Variants in NRG1 observed in about 807,000 individuals in gnomAD.
The protein encoded by NRG1 is pro-neuregulin-1, membrane-bound isoform.
A neutral mutation model predicts 63.8 loss-of-function variants in NRG1; 18 were observed. That is an observed-to-expected ratio of 0.28 (90% confidence interval 0.19 to 0.42). NRG1 has a LOEUF of 0.42. NRG1 is among the 10% of genes least tolerant of loss of function. The pLI, the probability that NRG1 is intolerant of heterozygous loss-of-function variation, is 1.00. For synonymous variants in NRG1, 302 were observed against 301.3 expected, an observed-to-expected ratio of 1.00 and a Z score of -0.02; for missense variants, 762 against 814.7, an observed-to-expected ratio of 0.94 and a Z score of 0.79.
chr8:31,675,122 C>T (rs1332662960), intron 1 of NRG1, among the ~76,000 whole-genome samples: 3 of 152,194 alleles, frequency 2.0e-5, no homozygotes, highest in Admixed American at 6.5e-5. Context: ...GTGGATGGAT[C>T]ACTTGAGGTC....
intron 1 of NRG1, among the ~76,000 whole-genome samples, chr8:32,457,183 C>G (rs1202578675): frequency 6.6e-6 from 1 of 152,018 alleles, no homozygotes; most frequent in African/African-American, 2.4e-5. Context: ...AAGTTTGTCC[C>G]TCTCTTCAAC....
chr8:31,824,108 G>A (rs1824289231), intron 1 of NRG1, among the ~76,000 whole-genome samples: 1 of 151,700 alleles, frequency 6.6e-6, no homozygotes, highest in African/African-American at 2.4e-5. Flanking sequence ...ATGTTGGTGT[G>A]CTGCACCCAT....
At chr8:32,315,650 C>T (rs1408603450) in intron 1 of NRG1, among the ~76,000 whole-genome samples, 1 of 152,154 alleles carries the variant, frequency 6.6e-6, no homozygotes, top group African/African-American at 2.4e-5. Flanking sequence ...GTCTTGTTTA[C>T]CATTGAATCT....
chr8:32,187,192 A>G (rs79823809), intron 1 of NRG1, among the ~76,000 whole-genome samples: 6,370 of 152,280 alleles, frequency 0.042, 202 homozygotes, highest in Middle Eastern at 0.092. Context: ...TGTGAATACC[A>G]TCATGCTCTT....
chr8:31,866,536 T>C (rs1334900914), intron 1 of NRG1, among the ~76,000 whole-genome samples: 3 of 152,198 alleles, frequency 2.0e-5, no homozygotes, highest in African/African-American at 7.2e-5. Context: ...CAGGACTGTT[T>C]AGAAGTCCAA....
chr8:31,755,703 A>G (rs1007053602), intron 1 of NRG1, among the ~76,000 whole-genome samples: 1 of 152,082 alleles, frequency 6.6e-6, no homozygotes, highest in Non-Finnish European at 1.5e-5. Flanking sequence ...TATCTGGGGC[A>G]TGGGGTTCCA....
intron 1 of NRG1, among the ~76,000 whole-genome samples, chr8:32,443,055 C>A (rs759150928): frequency 7.9e-5 from 12 of 152,000 alleles, no homozygotes; most frequent in Non-Finnish European, 1.8e-4. Flanking sequence ...CCATCTTAGC[C>A]TCCCAAGTAG....
At chr8:32,595,994 A>T in exon 2 of NRG1, 2 of 1,613,092 alleles carry the variant, frequency 1.2e-6, no homozygotes, top group African/African-American at 2.7e-5. Context: ...TCAAGATACA[A>T]AAAAAGCCAG....
chr8:32,090,655 C>T (rs768913930), intron 1 of NRG1, among the ~76,000 whole-genome samples: 40 of 152,296 alleles, frequency 2.6e-4, no homozygotes, highest in Non-Finnish European at 4.6e-4. Flanking sequence ...TGAGCTTTAT[C>T]ATCAGAGACA....
At chr8:31,677,509 TGTCAGAGGATCACTTGA>T (rs1807841438) in intron 1 of NRG1, among the ~76,000 whole-genome samples, 1 of 152,244 alleles carries the variant, frequency 6.6e-6, no homozygotes, top group Middle Eastern at 3.4e-3. Context: ...AATCCACCGA[TGTCAGAGGATCACTTGA>T]GTCTGGGAAT....
intron 1 of NRG1, among the ~76,000 whole-genome samples, chr8:32,158,167 G>T (rs981953504): frequency 6.6e-6 from 1 of 151,686 alleles, no homozygotes; most frequent in African/African-American, 2.4e-5. Context: ...CTCTTCTGAA[G>T]GCCACAGCTC....
intron 1 of NRG1, among the ~76,000 whole-genome samples, chr8:31,947,276 C>T (rs1336362457): frequency 1.4e-5 from 2 of 145,660 alleles, no homozygotes; most frequent in East Asian, 2.2e-4. Flanking sequence ...GTCCGCAGTC[C>T]GGCCTGGGCG....
chr8:32,599,906 A>G lies in NRG1; in HGVS notation c.278+3901A>G, dbSNP rs191472897. Among the ~76,000 whole-genome samples the G allele has an allele frequency of 3.0e-3, 459 of 152,286 alleles. 1 individual carries two copies. The highest frequency in any genetic ancestry group is 5.5e-3 in the Non-Finnish European group (377 of 68,020). On this transcript the variant is annotated intron_variant, in intron 2 of 11. Transcript: ENST00000356819. Reference sequence around the variant, plus strand: ...TTGGTTACATTGGACAAATATTACAATTATTTCCTCTATTTTTACTGGTTG... The same window carrying G: ...TTGGTTACATTGGACAAATATTACAGTTATTTCCTCTATTTTTACTGGTTG...
intron 1 of NRG1, among the ~76,000 whole-genome samples, chr8:32,159,091 A>C (rs1337949975): frequency 6.6e-6 from 1 of 152,220 alleles, no homozygotes; most frequent in Non-Finnish European, 1.5e-5. Flanking sequence ...TGGACTTTTG[A>C]GTTGACTAAA....
chr8:32,706,424 G>A (rs1454499304), intron 5 of NRG1, among the ~76,000 whole-genome samples: 1 of 152,164 alleles, frequency 6.6e-6, no homozygotes, highest in African/African-American at 2.4e-5. Context: ...GAGATTTTGT[G>A]ATAAGCTACA....
chr8:32,679,910 A>G (rs1808162660), intron 5 of NRG1, among the ~76,000 whole-genome samples: 1 of 152,228 alleles, frequency 6.6e-6, no homozygotes, highest in African/African-American at 2.4e-5. Context: ...GAAAGTCATT[A>G]TTACCTTGCT....
At chr8:32,435,573 G>A (rs1287827283) in intron 1 of NRG1, among the ~76,000 whole-genome samples, 1 of 152,044 alleles carries the variant, frequency 6.6e-6, no homozygotes, top group East Asian at 1.9e-4. Flanking sequence ...TTGTATTTGT[G>A]GTCATAATAT....
chr8:31,892,909 C>T (rs1372361179), intron 1 of NRG1, among the ~76,000 whole-genome samples: 2 of 151,844 alleles, frequency 1.3e-5, no homozygotes, highest in Non-Finnish European at 2.9e-5. Flanking sequence ...ATATATAATT[C>T]ATCTGAAATA....
chr8:32,738,000 A>G (rs1825513562), intron 6 of NRG1, among the ~76,000 whole-genome samples: 1 of 152,094 alleles, frequency 6.6e-6, no homozygotes, highest in Non-Finnish European at 1.5e-5. Flanking sequence ...ACAATTGTGG[A>G]TCAGATACGG....
Sources: allele counts gnomAD v4.1 joint callset (sites outside exome capture counted in the v4.1 genomes callset), GRCh38; gene constraint gnomAD v4.1.1; transcripts MANE v1.5; gene names NCBI Gene and HGNC (gene_info 2026-07-23, HGNC 2026-07-21).